FHIT: variants seen among roughly 807,000 people sequenced by gnomAD.
FHIT encodes the protein fragile histidine triad diadenosine triphosphatase, also known as bis(5'-adenosyl)-triphosphatase.
In FHIT, 19 loss-of-function variants were observed where a neutral mutation model predicts 17.9. The ratio of observed to expected loss-of-function variants is 1.06; its 90% CI spans 0.74 to 1.56. The LOEUF (loss-of-function observed/expected upper bound fraction) is 1.56, where lower values mean the gene tolerates loss of function less well. FHIT is among the 40% of genes most tolerant of loss of function. The pLI is 0.00. For missense variants in FHIT, 248 were observed against 189.2 expected (o/e 1.31, Z -1.82); for synonymous variants, 81 against 69.7 (o/e 1.16, Z -0.81).
chr3:60,279,397 A>C (rs185369276), intron 5 of FHIT, among the ~76,000 whole-genome samples: 1 of 152,282 alleles, frequency 6.6e-6, no homozygotes, highest in East Asian at 1.9e-4. Context: ...TATCTTTTTA[A>C]AACATTGAAT....
At chr3:59,880,351 T>C (rs944810900) in intron 8 of FHIT, among the ~76,000 whole-genome samples, 1 of 152,190 alleles carries the variant, frequency 6.6e-6, no homozygotes, top group Non-Finnish European at 1.5e-5. Context: ...GAACCTGCCT[T>C]GCCCTTCGGT....
chr3:60,668,186 A>C (rs1553692923), intron 4 of FHIT, among the ~76,000 whole-genome samples: 1 of 151,172 alleles, frequency 6.6e-6, no homozygotes, highest in Non-Finnish European at 1.5e-5. Flanking sequence ...GCTATAGTTC[A>C]TTCTTTTTTT....
At position 60,775,981 on chromosome 3, in the gene FHIT, T is replaced by A. The variant is rs556714621; in HGVS notation, c.-18+45938A>T. On this transcript the variant is annotated intron_variant, in intron 4 of 9. Coordinates refer to ENST00000492590, the MANE Select transcript of FHIT (RefSeq NM_002012.4). Reference sequence around the variant, plus strand: ...GGTTCTTCCTCAGGCACTTTTAAACTGTTTCTTTTCTTTCCCCTTCTCTAC... The same window carrying A: ...GGTTCTTCCTCAGGCACTTTTAAACAGTTTCTTTTCTTTCCCCTTCTCTAC... 3.3e-5 allele frequency among the ~76,000 whole-genome samples: 5 copies of A among 152,326 alleles called. 1 individual carries two copies. The highest frequency in any genetic ancestry group is 2.6e-4 in the Admixed American group (4 of 15,302).
At chr3:59,880,832 T>A (rs1575634908) in intron 8 of FHIT, among the ~76,000 whole-genome samples, 1 of 152,292 alleles carries the variant, frequency 6.6e-6, no homozygotes, top group Admixed American at 6.5e-5. Context: ...TCCAGGTTTT[T>A]ATTTTACCAT....
chr3:60,359,241 T>C (rs1280167271), intron 5 of FHIT, among the ~76,000 whole-genome samples: 3 of 151,962 alleles, frequency 2.0e-5, no homozygotes, highest in African/African-American at 7.3e-5. Context: ...GAAAATTAGA[T>C]TTCCAAAATA....
intron 7 of FHIT, among the ~76,000 whole-genome samples, chr3:59,952,475 C>G (rs768394706): frequency 4.6e-5 from 7 of 152,106 alleles, no homozygotes; most frequent in Non-Finnish European, 8.8e-5. Context: ...ATGTGACACG[C>G]CACTTCCAGA....
intron 7 of FHIT, among the ~76,000 whole-genome samples, chr3:59,945,927 G>T (rs1290084944): frequency 6.6e-6 from 1 of 152,156 alleles, no homozygotes; most frequent in Non-Finnish European, 1.5e-5. Flanking sequence ...TTTGGCTACT[G>T]TAGCCTTGTA....
chr3:61,175,422 A>C (rs2038128407), intron 2 of FHIT, among the ~76,000 whole-genome samples: 1 of 152,164 alleles, frequency 6.6e-6, no homozygotes. Context: ...GCTCTAGGAA[A>C]GTCTTCATTA....
At chr3:60,338,109 GC>G (rs1283280021) in intron 5 of FHIT, among the ~76,000 whole-genome samples, 1 of 152,096 alleles carries the variant, frequency 6.6e-6, no homozygotes, top group African/African-American at 2.4e-5. Context: ...AGGATGGAAT[GC>G]GTTTTCTAGA....
intron 5 of FHIT, among the ~76,000 whole-genome samples, chr3:60,462,348 A>C (rs1285645249): frequency 6.6e-6 from 1 of 152,030 alleles, no homozygotes. Flanking sequence ...TAAGTGGCCA[A>C]GTTTGGTTTG....
At chr3:60,221,199 C>G (rs988649728) in intron 5 of FHIT, among the ~76,000 whole-genome samples, 3 of 152,112 alleles carry the variant, frequency 2.0e-5, no homozygotes, top group African/African-American at 7.2e-5. Flanking sequence ...ACTGCTATGT[C>G]TAGTTTTCTT....
Position 60,782,219 on chromosome 3 carries a change from T to TTG in FHIT, c.-18+39698_-18+39699dup, listed in dbSNP as rs538033687. Among the ~76,000 whole-genome samples the TTG allele has an allele frequency of 1.5e-3, 215 of 144,236 alleles. 3 individuals are homozygous for TTG. Among genetic ancestry groups the TTG allele is most frequent in the Middle Eastern group, 0.014 (4 of 286 alleles). 94.6% of individuals were successfully genotyped at this position (144,236 alleles called of 152,430 possible). On this transcript the variant is annotated intron_variant, in intron 4 of 9. Transcript: ENST00000492590. Reference sequence around the variant, plus strand: ...ATTTTTAAGGCTGAAGAATATTTCATTGTGTGTGTGTGTGTGTGTATATAT... The same window carrying TTG: ...ATTTTTAAGGCTGAAGAATATTTCATTGTGTGTGTGTGTGTGTGTGTATATAT...
chr3:60,729,532 T>C (rs1359887029), intron 4 of FHIT, among the ~76,000 whole-genome samples: 2 of 152,126 alleles, frequency 1.3e-5, no homozygotes, highest in East Asian at 1.9e-4. Flanking sequence ...CCTGGCAGCA[T>C]ACACCCAAGC....
At chr3:59,866,248 C>A (rs149121396) in intron 8 of FHIT, among the ~76,000 whole-genome samples, 12 of 151,944 alleles carry the variant, frequency 7.9e-5, no homozygotes, top group African/African-American at 2.7e-4. Context: ...ATGTGAGATC[C>A]AGGAAGAACC....
chr3:60,669,518 T>A (rs1312466312), intron 4 of FHIT, among the ~76,000 whole-genome samples: 1 of 152,114 alleles, frequency 6.6e-6, no homozygotes, highest in African/African-American at 2.4e-5. Flanking sequence ...ATATACACAC[T>A]AACATACACA....
chr3:59,939,063 TA>T (rs1226293958), intron 7 of FHIT, among the ~76,000 whole-genome samples: 1 of 152,134 alleles, frequency 6.6e-6, no homozygotes, highest in East Asian at 1.9e-4. Context: ...GCAATAACAA[TA>T]AAAGAGGCAA....
intron 5 of FHIT, among the ~76,000 whole-genome samples, chr3:60,409,267 C>T (rs1701981535): frequency 6.6e-6 from 1 of 152,054 alleles, no homozygotes; most frequent in Non-Finnish European, 1.5e-5. Flanking sequence ...AACTGTTAAC[C>T]CAAGCACTAC....
At chr3:60,690,194 G>T (rs2040953423) in intron 4 of FHIT, 4 of 480,554 alleles carry the variant, frequency 8.3e-6, no homozygotes, top group Admixed American at 7.0e-5. Context: ...GAAATGGTCT[G>T]GTGGTTAAGA....
intron 3 of FHIT, among the ~76,000 whole-genome samples, chr3:60,892,085 A>G (rs1440552888): frequency 1.3e-5 from 2 of 152,192 alleles, no homozygotes; most frequent in Non-Finnish European, 1.5e-5. Flanking sequence ...CAAATCATCA[A>G]TAGTCCACAG....
Sources: allele counts gnomAD v4.1 joint callset (sites outside exome capture counted in the v4.1 genomes callset), GRCh38; gene constraint gnomAD v4.1.1; transcripts MANE v1.5; gene names NCBI Gene and HGNC (gene_info 2026-07-23, HGNC 2026-07-21).